The following RSU1 variants were observed in gnomAD, a reference collection of about 807,000 sequenced individuals.
RSU1 encodes the protein Ras suppressor protein 1.
Under a neutral mutation model 31.1 loss-of-function variants are expected in RSU1, and 26 were observed. The ratio of observed to expected loss-of-function variants is 0.84; its 90% confidence interval spans 0.61 to 1.16. RSU1 has a LOEUF of 1.16. Among genes scored for constraint, RSU1 ranks in the 50% most tolerant of loss-of-function variants. The pLI is 0.00. For missense variants in RSU1, 320 were observed against 339.1 expected, an observed-to-expected ratio of 0.94 and a Z score of 0.44; for synonymous variants, 164 against 136.3, an observed-to-expected ratio of 1.20 and a Z score of -1.41.
chr10:16,681,795 A>G (rs1835332113), intron 8 of RSU1, among the ~76,000 whole-genome samples: 1 of 152,218 alleles, frequency 6.6e-6, no homozygotes, highest in African/African-American at 2.4e-5. Context: ...TGCCATATAT[A>G]TGTGCTGTAT....
chr10:16,710,901 G>A (rs1026392307), intron 7 of RSU1, among the ~76,000 whole-genome samples: 1 of 152,054 alleles, frequency 6.6e-6, no homozygotes, highest in African/African-American at 2.4e-5. Context: ...CCACTTATCA[G>A]TGAGAACATG....
At chr10:16,648,262 A>G (rs6602139) in intron 8 of RSU1, among the ~76,000 whole-genome samples, 96,724 of 151,882 alleles carry the variant, frequency 0.64, 31,759 homozygotes, top group African/African-American at 0.81. Context: ...CTCCACACCT[A>G]GCGTTACGTG....
At chr10:16,632,963 T>C (rs554761987) in intron 8 of RSU1, among the ~76,000 whole-genome samples, 1 of 152,170 alleles carries the variant, frequency 6.6e-6, no homozygotes, top group South Asian at 2.1e-4. Context: ...AAAAAAACCC[T>C]GAAGACAAAT....
At chr10:16,654,216 T>A (rs1834732937) in intron 8 of RSU1, among the ~76,000 whole-genome samples, 1 of 151,108 alleles carries the variant, frequency 6.6e-6, no homozygotes, top group African/African-American at 2.4e-5. Context: ...TTGGCTGGGC[T>A]GGTCTCGAAC....
chr10:16,709,431 T>C (rs1335991700), intron 7 of RSU1, among the ~76,000 whole-genome samples: 2 of 152,200 alleles, frequency 1.3e-5, no homozygotes, highest in South Asian at 2.1e-4. Context: ...GTCTTTGCTA[T>C]TGTGAATAGT....
intron 8 of RSU1, among the ~76,000 whole-genome samples, chr10:16,689,070 A>C (rs1372432601): frequency 1.3e-5 from 2 of 152,126 alleles, no homozygotes; most frequent in African/African-American, 4.8e-5. Context: ...TACTACACAG[A>C]AATTGTTTTT....
chr10:16,718,112 AAG>A (rs1491082758), intron 7 of RSU1, among the ~76,000 whole-genome samples: 24 of 122,010 alleles, frequency 2.0e-4, no homozygotes, highest in Admixed American at 9.8e-4. Flanking sequence ...AAAAAAAAAA[AAG>A]AAAGAAAGAA....
At chr10:16,765,112 T>C (rs1837287415) in intron 3 of RSU1, among the ~76,000 whole-genome samples, 1 of 152,208 alleles carries the variant, frequency 6.6e-6, no homozygotes, top group Non-Finnish European at 1.5e-5. Flanking sequence ...GTGCAATTTT[T>C]TTTTTCTTTT....
intron 7 of RSU1, among the ~76,000 whole-genome samples, chr10:16,723,653 A>C (rs1191226761): frequency 6.6e-6 from 1 of 152,194 alleles, no homozygotes; most frequent in Non-Finnish European, 1.5e-5. Context: ...CTTCTGAGTT[A>C]ATCAGCCTCC....
intron 4 of RSU1, among the ~76,000 whole-genome samples, 164 bp from the exon 5 acceptor site, chr10:16,755,153 A>C (rs1277848461): frequency 6.6e-6 from 1 of 152,000 alleles, no homozygotes; most frequent in African/African-American, 2.4e-5. Flanking sequence ...ACAGGGTCTT[A>C]CTCTGTTGCC....
At chr10:16,612,270 G>A (rs1833904260) in intron 8 of RSU1, among the ~76,000 whole-genome samples, 2 of 152,188 alleles carry the variant, frequency 1.3e-5, no homozygotes, top group Non-Finnish European at 2.9e-5. Context: ...TATGCTTGAG[G>A]AAAATAGCAA....
intron 3 of RSU1, among the ~76,000 whole-genome samples, chr10:16,772,706 A>C (rs1422515573): frequency 6.6e-6 from 1 of 151,682 alleles, no homozygotes; most frequent in Non-Finnish European, 1.5e-5. Context: ...AAGCAGTCTC[A>C]GTGTTATAAA....
At chr10:16,788,854 G>A (rs1480238902) in intron 2 of RSU1, among the ~76,000 whole-genome samples, 1 of 152,192 alleles carries the variant, frequency 6.6e-6, no homozygotes, top group Non-Finnish European at 1.5e-5. Flanking sequence ...TGGCTTCTGG[G>A]TGACCACGTG....
chr10:16,816,918 C>G lies in RSU1; in HGVS notation c.109+55G>C, dbSNP rs1838547053. ...CACAGCAGGACCAGCAGTGAATTGG[C>G]AAACTTAGAAAGCCTTCCAGCTCAT... On this transcript the variant is annotated intron_variant, in intron 2 of 8. Transcript: ENST00000345264. 9.2e-6 allele frequency: 12 copies of G among 1,306,580 alleles called. No homozygotes were observed. In the South Asian group the frequency reaches 1.4e-4, roughly 16 times the overall value. 80.9% of individuals were successfully genotyped at this position (1,306,580 alleles called of 1,614,324 possible).
At chr10:16,654,577 C>G (rs1588696922) in intron 8 of RSU1, among the ~76,000 whole-genome samples, 1 of 148,110 alleles carries the variant, frequency 6.8e-6, no homozygotes, top group African/African-American at 2.5e-5. Context: ...GGCTGAGGCA[C>G]AAGAATCGCT....
At chr10:16,663,072 C>T (rs1834917836) in intron 8 of RSU1, among the ~76,000 whole-genome samples, 1 of 152,042 alleles carries the variant, frequency 6.6e-6, no homozygotes, top group Non-Finnish European at 1.5e-5. Flanking sequence ...AAAGAAAAGC[C>T]CATTCATGGT....
At chr10:16,687,689 A>G (rs953314086) in intron 8 of RSU1, among the ~76,000 whole-genome samples, 2 of 152,154 alleles carry the variant, frequency 1.3e-5, no homozygotes, top group Non-Finnish European at 2.9e-5. Flanking sequence ...ATACAGGAAC[A>G]GTTGAGCAAT....
chr10:16,625,804 AGAGGTTG>A (rs1834148259), intron 8 of RSU1, among the ~76,000 whole-genome samples: 1 of 152,208 alleles, frequency 6.6e-6, no homozygotes, highest in Non-Finnish European at 1.5e-5. Context: ...AGTAGGAGCA[AGAGGTTG>A]GGCTTTGAAG....
intron 8 of RSU1, among the ~76,000 whole-genome samples, chr10:16,672,672 T>C (rs1343250489): frequency 1.3e-5 from 2 of 151,298 alleles, no homozygotes; most frequent in East Asian, 3.9e-4. Flanking sequence ...CTCTACAAAA[T>C]GCAAACATAC....
Sources: gnomAD v4.1 joint callset for allele counts (sites outside exome capture counted in the v4.1 genomes callset) on GRCh38, gnomAD v4.1.1 for gene constraint, MANE v1.5 for transcripts, NCBI Gene and HGNC (gene_info 2026-07-23, HGNC 2026-07-21) for gene names.